Variants in DAB1 observed in about 807,000 individuals in gnomAD.
The protein encoded by DAB1 is DAB adaptor protein 1.
A neutral mutation model predicts 64.6 loss-of-function variants in DAB1; 15 were observed. The ratio of observed to expected loss-of-function variants is 0.23; its 90% CI spans 0.16 to 0.36. DAB1 has a LOEUF of 0.36. Among genes scored for constraint, DAB1 ranks in the 10% least tolerant of loss-of-function variants. The pLI, the probability that DAB1 is intolerant of heterozygous loss-of-function variation, is 1.00. For missense variants in DAB1, 596 were observed against 706.7 expected (o/e 0.84, Z 1.78); for synonymous variants, 235 against 251.9 (o/e 0.93, Z 0.64).
intron 4 of DAB1, among the ~76,000 whole-genome samples, chr1:58,229,568 A>T (rs1194002297): frequency 6.6e-6 from 1 of 152,044 alleles, no homozygotes; most frequent in Non-Finnish European, 1.5e-5. Context: ...ATCTCAATCA[A>T]TGGGGGGCAT....
At chr1:57,735,413 A>G (rs1290552107) in intron 6 of DAB1, among the ~76,000 whole-genome samples, 1 of 152,164 alleles carries the variant, frequency 6.6e-6, no homozygotes, top group African/African-American at 2.4e-5. Flanking sequence ...TACACCATTC[A>G]TTCATTTAAG....
In DAB1 at chr1:58,076,099, T is replaced by C. The variant is rs543134430; in HGVS notation, n.387+74412A>G. Among the ~76,000 whole-genome samples the C allele has an allele frequency of 3.3e-5, 5 of 152,204 alleles. No individual in the cohort carries two copies. The East Asian group carries it at 9.7e-4, about 29-fold the overall frequency. On this transcript the variant is annotated intron_variant and non_coding_transcript_variant, in intron 5 of 20. Transcript: ENST00000485760. ...GATGAAAGAAAAGGAAATAGTGAGG[T>C]GGGCATTTAAGAAGGGTTACTGTAA...
chr1:58,117,132 G>A (rs971560549), intron 5 of DAB1, among the ~76,000 whole-genome samples: 2 of 152,120 alleles, frequency 1.3e-5, no homozygotes, highest in African/African-American at 4.8e-5. Flanking sequence ...AAAATGATGA[G>A]TATCATTTAC....
chr1:57,659,348 T>C (rs868554462), intron 6 of DAB1, among the ~76,000 whole-genome samples: 2 of 152,208 alleles, frequency 1.3e-5, no homozygotes, highest in South Asian at 4.1e-4. Context: ...CGTGCAGCAC[T>C]GGAAATAAAA....
chr1:57,698,403 T>C (rs990105763), intron 6 of DAB1, among the ~76,000 whole-genome samples: 2 of 152,156 alleles, frequency 1.3e-5, no homozygotes, highest in African/African-American at 2.4e-5. Flanking sequence ...TGTCCTTCTC[T>C]ACTTTGAGGA....
At chr1:58,069,341 C>T (rs1470583014) in intron 5 of DAB1, among the ~76,000 whole-genome samples, 3 of 152,204 alleles carry the variant, frequency 2.0e-5, no homozygotes, top group South Asian at 2.1e-4. Context: ...GGCTTCCAAC[C>T]GAGGCACCGT....
intron 2 of DAB1, among the ~76,000 whole-genome samples, chr1:57,275,285 G>A (rs991722397): frequency 6.6e-6 from 1 of 152,112 alleles, no homozygotes; most frequent in Non-Finnish European, 1.5e-5. Flanking sequence ...TGATTTAGCT[G>A]ACTGTATAGG....
intron 1 of DAB1, among the ~76,000 whole-genome samples, chr1:57,855,912 G>A (rs1407881065): frequency 1.3e-5 from 2 of 152,216 alleles, no homozygotes; most frequent in African/African-American, 2.4e-5. Flanking sequence ...CTGCTGAAAA[G>A]GTCCCAGGAG....
chr1:57,258,287 A>G (rs1339286759), intron 2 of DAB1, among the ~76,000 whole-genome samples: 2 of 152,158 alleles, frequency 1.3e-5, no homozygotes, highest in Admixed American at 1.3e-4. Context: ...TTCTCACCAA[A>G]GGTCACACAG....
intron 5 of DAB1, among the ~76,000 whole-genome samples, chr1:58,118,544 TATATAC>T (rs1417848181): frequency 5.0e-5 from 6 of 119,146 alleles, no homozygotes; most frequent in African/African-American, 2.2e-4. Flanking sequence ...AAAATACATA[TATATAC>T]ATATATATAA....
At chr1:58,247,686 T>G (rs913601198) in intron 4 of DAB1, among the ~76,000 whole-genome samples, 18 of 152,196 alleles carry the variant, frequency 1.2e-4, no homozygotes, top group Non-Finnish European at 2.2e-4. Flanking sequence ...AGACTGGTCT[T>G]GCTTCATGCG....
chr1:57,145,914 CA>C (rs1659080018), intron 2 of DAB1, among the ~76,000 whole-genome samples: 1 of 152,192 alleles, frequency 6.6e-6, no homozygotes, highest in South Asian at 2.1e-4. Flanking sequence ...AGCTCTTTCA[CA>C]GTGAAACTCC....
At chr1:57,143,539 C>T (rs552002124) in intron 3 of DAB1, among the ~76,000 whole-genome samples, 6 of 151,782 alleles carry the variant, frequency 4.0e-5, no homozygotes, top group African/African-American at 7.3e-5. Flanking sequence ...ATAGTAAATA[C>T]GTAACTATTA....
At chr1:57,623,943 T>G (rs1645891841) in intron 7 of DAB1, among the ~76,000 whole-genome samples, 1 of 152,156 alleles carries the variant, frequency 6.6e-6, no homozygotes, top group Non-Finnish European at 1.5e-5. Context: ...CAAAACACAG[T>G]CTGGCAAAGA....
intron 7 of DAB1, among the ~76,000 whole-genome samples, chr1:57,446,619 T>C (rs1163656777): frequency 6.6e-6 from 1 of 151,726 alleles, no homozygotes. Flanking sequence ...AAAAAAAATT[T>C]AGAGAATCCA....
At chr1:58,242,877 A>G (rs1355007162) in intron 4 of DAB1, among the ~76,000 whole-genome samples, 4 of 152,084 alleles carry the variant, frequency 2.6e-5, no homozygotes, top group Admixed American at 1.3e-4. Flanking sequence ...GTTCGCCCTC[A>G]TATGGAGAAG....
At chr1:57,475,115 C>T (rs1323914917) in intron 7 of DAB1, among the ~76,000 whole-genome samples, 1 of 151,970 alleles carries the variant, frequency 6.6e-6, no homozygotes, top group Non-Finnish European at 1.5e-5. Flanking sequence ...CAAAAATTAG[C>T]CAAAAACAAA....
chr1:57,177,577 A>G (rs569699887), intron 2 of DAB1, among the ~76,000 whole-genome samples: 21 of 152,216 alleles, frequency 1.4e-4, no homozygotes, highest in African/African-American at 5.1e-4. Flanking sequence ...CTCTTATTTC[A>G]CTCAAGAACT....
At chr1:57,691,671 A>T (rs1237135926) in intron 6 of DAB1, among the ~76,000 whole-genome samples, 1 of 152,090 alleles carries the variant, frequency 6.6e-6, no homozygotes, top group Non-Finnish European at 1.5e-5. Context: ...CAAACTCTGG[A>T]CACACCATCT....
Sources: gnomAD v4.1 joint callset for allele counts (sites outside exome capture counted in the v4.1 genomes callset) on GRCh38, gnomAD v4.1.1 for gene constraint, MANE v1.5 for transcripts, NCBI Gene and HGNC (gene_info 2026-07-23, HGNC 2026-07-21) for gene names.